The following PTPN13 variants were observed in gnomAD, a reference collection of about 807,000 sequenced individuals.
PTPN13 encodes the protein tyrosine-protein phosphatase non-receptor type 13.
PTPN13 carries 191 observed loss-of-function variants against 284.0 expected under a neutral mutation model. That is an observed-to-expected ratio of 0.67 (90% CI 0.60 to 0.76). The LOEUF is 0.76. Among genes scored for constraint, PTPN13 ranks in the 30% least tolerant of loss-of-function variants. PTPN13 has a pLI of 0.00. For missense variants in PTPN13, 2,797 were observed against 2,939.9 expected (o/e 0.95, Z 1.12); for synonymous variants, 986 against 1,022.3 (o/e 0.96, Z 0.68).
Position 86,734,386 on chromosome 4 carries a change from A to C in PTPN13, c.1942A>C (p.Thr648Pro). The change falls in exon 13 of 48, where the codon ACC becomes CCC. Residue 648 changes from threonine to proline, a missense_variant. Coordinates refer to ENST00000411767, the MANE Select transcript of PTPN13 (RefSeq NM_080683.3). ...ATGGAAAGAAGAACCAAAGAAAAAG[A>C]CCAAAGCCACTGTTAATTTTACTTT... ...EGWKEEPKKK[T>P]KATVNFTLFF... The C allele has an allele frequency of 6.4e-7, 1 of 1,562,448 alleles. No individual in the cohort carries two copies. Among genetic ancestry groups the C allele is most frequent in the Non-Finnish European group, 8.7e-7 (1 of 1,151,316 alleles).
Position 86,803,838 on chromosome 4 carries a change from T to C in PTPN13, c.6635T>C (p.Ile2212Thr), listed in dbSNP as rs376052046. 4.3e-5 allele frequency: 70 copies of C among 1,613,658 alleles called. No individual in the cohort carries two copies. Among genetic ancestry groups the C allele is most frequent in the Non-Finnish European group, 5.4e-5 (64 of 1,179,738 alleles). Residue 2212 changes from isoleucine (I) to threonine (T), a missense_variant, in exon 43 of 48, where the codon ATT becomes ACT. By Grantham distance (89) the Ile-to-Thr change is moderately conservative. Coordinates refer to ENST00000411767, the MANE Select transcript of PTPN13 (RefSeq NM_080683.3). ...CTGCGGGGTTTGCTAGATCAAGGAA[T>C]TCCTTCTAAGGAGCTGGAGGTAAGT... The part of the protein sequence containing the change: ...RVLRGLLDQG[I>T]PSKELENLQE...
chr4:86,620,340 A>G (rs767405337), intron 1 of PTPN13, among the ~76,000 whole-genome samples: 2 of 151,928 alleles, frequency 1.3e-5, no homozygotes, highest in African/African-American at 4.8e-5. Context: ...TAATTTTTGT[A>G]TTTTTTTAGA....
intron 23 of PTPN13, 28 bp downstream of exon 23, chr4:86,759,101 T>C: frequency 6.2e-7 from 1 of 1,601,200 alleles, no homozygotes. Context: ...TACTTATGTA[T>C]TCTGTTTCAC....
intron 27 of PTPN13, among the ~76,000 whole-genome samples, chr4:86,766,845 T>C (rs10212723): frequency 0.082 from 12,550 of 152,268 alleles, 659 homozygotes; most frequent in Non-Finnish European, 0.11. Flanking sequence ...TCTTTAGCCT[T>C]AACACAAAAT....
chr4:86,682,712 A>G (rs1729033561), intron 3 of PTPN13, among the ~76,000 whole-genome samples: 1 of 152,098 alleles, frequency 6.6e-6, no homozygotes, highest in African/African-American at 2.4e-5. Context: ...CAGTGCTGCT[A>G]TATTAATTTA....
intron 1 of PTPN13, among the ~76,000 whole-genome samples, chr4:86,598,238 G>A (rs1321244810): frequency 6.6e-6 from 1 of 151,838 alleles, no homozygotes; most frequent in Non-Finnish European, 1.5e-5. Flanking sequence ...CCCGATCCTG[G>A]GTTCAAGCAA....
At chr4:86,610,702 T>C (rs542659246) in intron 1 of PTPN13, among the ~76,000 whole-genome samples, 9 of 152,228 alleles carry the variant, frequency 5.9e-5, no homozygotes, top group African/African-American at 1.7e-4. Context: ...ATTTACACTT[T>C]TGCAAATGTG....
chr4:86,628,179 C>T (rs949984294), intron 1 of PTPN13, among the ~76,000 whole-genome samples: 3 of 152,090 alleles, frequency 2.0e-5, no homozygotes, highest in South Asian at 2.1e-4. Flanking sequence ...CCACTAGCAA[C>T]GTATGAAAAT....
chr4:86,664,623 T>G (rs757897984), intron 2 of PTPN13, among the ~76,000 whole-genome samples: 1 of 152,212 alleles, frequency 6.6e-6, no homozygotes, highest in Non-Finnish European at 1.5e-5. Context: ...AGAAGAAATA[T>G]GTGAAAACAG....
intron 15 of PTPN13, among the ~76,000 whole-genome samples, chr4:86,737,810 A>G (rs1355312261): frequency 6.6e-6 from 1 of 151,900 alleles, no homozygotes; most frequent in Non-Finnish European, 1.5e-5. Context: ...GCTCACTGCA[A>G]CCTCTGCCTC....
In PTPN13 at chr4:86,814,451, C is replaced by T; in HGVS notation, c.7363-5C>T. 6.3e-7 allele frequency: 1 copy of T among 1,593,128 alleles called. No homozygotes were observed. Among genetic ancestry groups the T allele is most frequent in the Non-Finnish European group, 8.6e-7 (1 of 1,165,092 alleles). ...AGTATTCTATCTCACTTTTTTTGGC[C>T]ATAGGATCAATATATTTTCTGCTAT... On this transcript the variant is annotated splice_region_variant and splice_polypyrimidine_tract_variant and intron_variant, in intron 47 of 47. Transcript: ENST00000411767.
In PTPN13 at chr4:86,796,874, G is replaced by A. The variant is rs1201185801; in HGVS notation, c.6346G>A (p.Ala2116Thr). The A allele has an allele frequency of 8.1e-6, 12 of 1,475,016 alleles. No homozygotes were observed. The highest frequency in any genetic ancestry group is 2.5e-5 in the South Asian group (2 of 80,632). The allele number at this position is 1,475,016 out of a possible 1,614,324, so 91.4% of individuals were successfully genotyped here. ...GSPLPEYFTE[A>T]TKMNGCEEYC... is the part of the protein sequence containing the mutation. The stretch of plus-strand genomic sequence containing the variant: ...TGATTCTTATATATTTTTATTGTAG[G>A]CCACCAAAATGAATGGCTGTGAAGA... Residue 2116 changes from alanine (A) to threonine (T), a missense_variant and splice_region_variant, in exon 41 of 48, where the codon GCC becomes ACC. Ala to Thr is a moderately conservative substitution (Grantham distance 58, BLOSUM62 0). Transcript: ENST00000411767.
At chr4:86,778,615 AC>A (rs776474470) in intron 35 of PTPN13, among the ~76,000 whole-genome samples, 1 of 152,182 alleles carries the variant, frequency 6.6e-6, no homozygotes, top group Non-Finnish European at 1.5e-5. Context: ...AACCCATCAA[AC>A]CAACCAATCA....
chr4:86,757,330 C>T (rs1738096091), intron 20 of PTPN13, among the ~76,000 whole-genome samples: 1 of 152,162 alleles, frequency 6.6e-6, no homozygotes, highest in Admixed American at 6.5e-5. Flanking sequence ...GAGCAGGTCA[C>T]TAACTGTTAC....
intron 1 of PTPN13, chr4:86,595,834 T>G (rs1247788398): frequency 9.3e-6 from 8 of 859,190 alleles, no homozygotes; most frequent in Non-Finnish European, 1.1e-5. Context: ...TCTAGAAAGT[T>G]TACTAAAGGA....
intron 4 of PTPN13, among the ~76,000 whole-genome samples, chr4:86,688,789 C>G (rs1329474943): frequency 1.3e-5 from 2 of 152,034 alleles, no homozygotes; most frequent in African/African-American, 4.8e-5. Flanking sequence ...TCTGTACTTC[C>G]TTTCTAGGGA....
intron 1 of PTPN13, among the ~76,000 whole-genome samples, chr4:86,631,929 CT>C (rs770586076): frequency 1.7e-4 from 26 of 152,222 alleles, no homozygotes; most frequent in Non-Finnish European, 3.7e-4. Flanking sequence ...CTTGTGCTCT[CT>C]ATATATACAC....
intron 1 of PTPN13, among the ~76,000 whole-genome samples, chr4:86,631,134 G>T (rs182315991): frequency 2.6e-5 from 4 of 152,130 alleles, no homozygotes; most frequent in Non-Finnish European, 4.4e-5. Context: ...ATAGGTTAAT[G>T]TGATAACGTC....
rs537692025 is a variant in PTPN13 at position 86,712,900 on chromosome 4, G to A, written c.1196-3630G>A. On this transcript the variant is annotated intron_variant, in intron 7 of 47. Coordinates refer to ENST00000411767, the MANE Select transcript of PTPN13 (RefSeq NM_080683.3). ...GAAGAAAAAAGAAAATAAAACATAG[G>A]GTAGTAGTAAGGGTGAGGAAATATG... Among the ~76,000 whole-genome samples the A allele has an allele frequency of 2.6e-5, 4 of 151,992 alleles. No individual in the cohort carries two copies. The South Asian group carries it at 8.3e-4, about 32-fold the overall frequency.
Sources: allele counts gnomAD v4.1 joint callset (sites outside exome capture counted in the v4.1 genomes callset), GRCh38; gene constraint gnomAD v4.1.1; transcripts MANE v1.5; gene names NCBI Gene and HGNC (gene_info 2026-07-23, HGNC 2026-07-21).